Variants in PRKAR1A observed in about 807,000 individuals in gnomAD.
PRKAR1A encodes protein kinase cAMP-dependent type I regulatory subunit alpha.
PRKAR1A carries 3 observed loss-of-function variants against 52.0 expected under a neutral mutation model. The observed-to-expected ratio is 0.06, with a 90% CI of 0.03 to 0.15. The LOEUF (loss-of-function observed/expected upper bound fraction) is 0.15, where lower values mean the gene tolerates loss of function less well. Ranked by LOEUF, PRKAR1A falls within the 10% of genes least tolerant of loss-of-function variation. The pLI is 1.00. For missense variants in PRKAR1A, 240 were observed against 477.4 expected, an observed-to-expected ratio of 0.50 and a Z score of 4.63; for synonymous variants, 188 against 168.4, an observed-to-expected ratio of 1.12 and a Z score of -0.90.
chr17:68,481,607 G>GT, the PRKAR1A span, among the ~76,000 whole-genome samples: 4 of 152,182 alleles, frequency 2.6e-5, no homozygotes, highest in Admixed American at 2.6e-4. Flanking sequence ...CCAGGGTTGG[G>GT]TACCCCTGCA....
chr17:68,508,623 A>T (rs938766409), upstream of PRKAR1A, among the ~76,000 whole-genome samples: 2 of 152,196 alleles, frequency 1.3e-5, no homozygotes, highest in East Asian at 1.9e-4. Flanking sequence ...TTAGCATCAC[A>T]CAATATACCC....
intron 11 of PRKAR1A, among the ~76,000 whole-genome samples, chr17:68,550,389 T>TTTC (rs2086780725): frequency 7.2e-6 from 1 of 138,864 alleles, no homozygotes; most frequent in Non-Finnish European, 1.5e-5. Flanking sequence ...TTTTTTTTTT[T>TTTC]TTTTTTTAAG....
At chr17:68,464,605 C>T in the PRKAR1A span, among the ~76,000 whole-genome samples, 1 of 151,200 alleles carries the variant, frequency 6.6e-6, no homozygotes, top group Admixed American at 6.6e-5. Context: ...CGCTTGAACC[C>T]GGGAGGTGGA....
At chr17:68,461,553 C>G in the PRKAR1A span, among the ~76,000 whole-genome samples, 6 of 152,234 alleles carry the variant, frequency 3.9e-5, no homozygotes, top group African/African-American at 1.4e-4. The surrounding 1 kb of genome is among the most constrained non-coding windows in gnomAD (Gnocchi z 4.6). Flanking sequence ...AACACCACTC[C>G]TGTCCTATTC....
Position 68,542,820 on chromosome 17 carries a change from G to C in PRKAR1A, c.974-8264G>C, listed in dbSNP as rs753717706. The stretch of plus-strand genomic sequence containing the variant: ...CGGAAGTCCAGAATCCTGCAAGAGA[G>C]GAAGCTCTGTTCCATCTGAGGGATG... On this transcript the variant is annotated intron_variant, in intron 11 of 11. Coordinates refer to the PRKAR1A transcript ENST00000585981. The C allele has an allele frequency of 1.4e-5, 23 of 1,598,174 alleles. No individual in the cohort carries two copies. In the East Asian group the frequency reaches 4.9e-4, roughly 34 times the overall value.
chr17:68,542,706 A>G (rs763982325), intron 11 of PRKAR1A: 4 of 1,613,444 alleles, frequency 2.5e-6, no homozygotes, highest in East Asian at 2.2e-5. Flanking sequence ...GGAGAGACAA[A>G]GAAAACACTC....
chr17:68,468,724 G>T, the PRKAR1A span, among the ~76,000 whole-genome samples: 3 of 152,234 alleles, frequency 2.0e-5, no homozygotes, highest in African/African-American at 4.8e-5. Context: ...TCTAAAGAGG[G>T]TACAGATTGG....
the PRKAR1A span, among the ~76,000 whole-genome samples, chr17:68,429,188 G>A: frequency 1.3e-5 from 2 of 152,130 alleles, no homozygotes; most frequent in East Asian, 1.9e-4. Context: ...GCGACCCTGC[G>A]AGAAGCAATA....
At chr17:68,466,428 T>C in the PRKAR1A span, among the ~76,000 whole-genome samples, 2 of 148,506 alleles carry the variant, frequency 1.3e-5, no homozygotes, top group African/African-American at 5.1e-5. Flanking sequence ...TTTTTTTTTT[T>C]TGAGACAGAG....
At chr17:68,549,714 G>T (rs2086744917) in intron 11 of PRKAR1A, among the ~76,000 whole-genome samples, 1 of 152,094 alleles carries the variant, frequency 6.6e-6, no homozygotes, top group Non-Finnish European at 1.5e-5. Flanking sequence ...TCGACTAACT[G>T]TAACAATAAT....
intron 11 of PRKAR1A, chr17:68,539,848 GGA>G: frequency 1.3e-6 from 2 of 1,598,112 alleles, no homozygotes; most frequent in Non-Finnish European, 1.7e-6. Flanking sequence ...AGCACATCTG[GGA>G]GAGGGGATTG....
chr17:68,464,995 C>G, the PRKAR1A span, among the ~76,000 whole-genome samples: 4 of 150,080 alleles, frequency 2.7e-5, no homozygotes, highest in African/African-American at 7.3e-5. Flanking sequence ...GCGTGATCTC[C>G]GCTCACTGCA....
chr17:68,551,185 GA>G (rs1175399443), exon 12 of PRKAR1A: 1 of 1,178,206 alleles, frequency 8.5e-7, no homozygotes, highest in Non-Finnish European at 1.1e-6. Flanking sequence ...TTGGGGGCCA[GA>G]AACCCAAACT....
At chr17:68,534,691 G>A (rs1057423728), downstream of PRKAR1A, among the ~76,000 whole-genome samples, 2 of 151,664 alleles carry the variant, frequency 1.3e-5, no homozygotes, top group African/African-American at 4.8e-5. Flanking sequence ...TGTGCCATAT[G>A]TAGAAAATAT....
At chr17:68,450,489 C>A in the PRKAR1A span, among the ~76,000 whole-genome samples, 2 of 152,346 alleles carry the variant, frequency 1.3e-5, no homozygotes, top group East Asian at 3.9e-4. Context: ...AGGGTGCAGC[C>A]TACCAGTCAG....
At chr17:68,421,686 C>G in the PRKAR1A span, 1 of 1,588,790 alleles carries the variant, frequency 6.3e-7, no homozygotes, top group Admixed American at 1.7e-5. Flanking sequence ...TCTGCTCACA[C>G]AATTGCACTC....
chr17:68,482,620 T>C, the PRKAR1A span, among the ~76,000 whole-genome samples: 1 of 152,164 alleles, frequency 6.6e-6, no homozygotes, highest in Non-Finnish European at 1.5e-5. Context: ...AGACACCGGG[T>C]GAAGGTTAAA....
the PRKAR1A span, among the ~76,000 whole-genome samples, chr17:68,461,134 A>C: frequency 8.7e-6 from 1 of 115,034 alleles, no homozygotes; most frequent in Admixed American, 8.4e-5. The surrounding 1 kb of genome is among the most constrained non-coding windows in gnomAD (Gnocchi z 4.6). Context: ...TGGGAATAAG[A>C]TTTTGGCCTT....
At chr17:68,441,771 T>C in the PRKAR1A span, among the ~76,000 whole-genome samples, 1,338 of 152,216 alleles carry the variant, frequency 8.8e-3, 30 homozygotes, top group East Asian at 0.067. Flanking sequence ...AATGATCATC[T>C]CCATTTTACT....
Sources: allele counts gnomAD v4.1 joint callset (sites outside exome capture counted in the v4.1 genomes callset), GRCh38; gene constraint gnomAD v4.1.1; non-coding constraint Gnocchi (gnomAD v3.1); transcripts MANE v1.5; gene names NCBI Gene and HGNC (gene_info 2026-07-23, HGNC 2026-07-21).